The following MDGA2 variants were observed in gnomAD, a reference collection of about 807,000 sequenced individuals.
MDGA2 encodes the protein MAM domain containing glycosylphosphatidylinositol anchor 2.
Under a neutral mutation model 117.8 loss-of-function variants are expected in MDGA2, and 40 were observed. That is an observed-to-expected ratio of 0.34 (90% CI 0.26 to 0.44). MDGA2 has a LOEUF of 0.44. Ranked by LOEUF, MDGA2 falls within the 20% of genes least tolerant of loss-of-function variation. The pLI is 1.00. For missense variants in MDGA2, 1,123 were observed against 1,250.6 expected (o/e 0.90, Z 1.54); for synonymous variants, 452 against 439.0 (o/e 1.03, Z -0.37).
At position 47,373,496 on chromosome 14, in the gene MDGA2, C is replaced by T. The variant is rs1179882408; in HGVS notation, c.281-71946G>A. On this transcript the variant is annotated intron_variant, in intron 1 of 16. Transcript: ENST00000399232. ...AATAAAAAGGAATGAACTACTAATACATGATACAGCATCAGTGAACCTTGA... is the reference window on the plus strand; with the variant it reads ...AATAAAAAGGAATGAACTACTAATATATGATACAGCATCAGTGAACCTTGA... 5.3e-5 allele frequency among the ~76,000 whole-genome samples: 8 copies of T among 152,140 alleles called. No homozygotes were observed. The South Asian group carries it at 6.2e-4, about 12-fold the overall frequency.
chr14:47,439,818 A>AGTGTGT (rs3039634), intron 1 of MDGA2, among the ~76,000 whole-genome samples: 46,928 of 150,216 alleles, frequency 0.31, 7,761 homozygotes, highest in East Asian at 0.55. Context: ...TCACTAAGGG[A>AGTGTGT]GTGTGTGTGT....
chr14:47,265,612 T>C (rs1424177313), intron 2 of MDGA2, among the ~76,000 whole-genome samples: 5 of 150,906 alleles, frequency 3.3e-5, no homozygotes, highest in African/African-American at 1.2e-4. Context: ...TGGAAGCCAG[T>C]GTTTAACTTC....
chr14:47,065,785 A>G (rs1890058323), intron 6 of MDGA2, among the ~76,000 whole-genome samples: 1 of 152,192 alleles, frequency 6.6e-6, no homozygotes, highest in South Asian at 2.1e-4. Flanking sequence ...TTAAGTATCT[A>G]TTTCAGAAGA....
At chr14:47,148,092 T>C (rs1216816070) in intron 3 of MDGA2, among the ~76,000 whole-genome samples, 1 of 152,166 alleles carries the variant, frequency 6.6e-6, no homozygotes, top group African/African-American at 2.4e-5. Context: ...CAGCCTCATA[T>C]AGGCTGGTCA....
At chr14:46,988,152 T>C (rs1886937309) in intron 8 of MDGA2, among the ~76,000 whole-genome samples, 1 of 152,008 alleles carries the variant, frequency 6.6e-6, no homozygotes, top group Non-Finnish European at 1.5e-5. Flanking sequence ...GGGTTGTATT[T>C]TTTTTTCTTC....
At chr14:47,536,168 G>C (rs572503198) in intron 1 of MDGA2, among the ~76,000 whole-genome samples, 11 of 152,190 alleles carry the variant, frequency 7.2e-5, no homozygotes, top group Admixed American at 1.3e-4. Flanking sequence ...AAAACAATGG[G>C]TGTGGATGTA....
intron 3 of MDGA2, among the ~76,000 whole-genome samples, chr14:47,184,630 C>G (rs1424016110): frequency 2.0e-5 from 3 of 151,750 alleles, no homozygotes. Context: ...TTCTATGACA[C>G]TTCTTTAAAA....
rs1222342289 is a variant in MDGA2, at chr14:47,236,951, G to A, written c.421-18756C>T. On this transcript the variant is annotated intron_variant, in intron 2 of 16. Transcript: ENST00000399232. The stretch of plus-strand genomic sequence containing the variant: ...ATATCTCCCTCTGACCCAGTTCTTA[G>A]AAATGTTATCAAGTTACCTATTAAT... Among the ~76,000 whole-genome samples, 3 of 152,106 alleles carry A rather than the reference G, an allele frequency of 2.0e-5. No homozygotes were observed. The East Asian group carries it at 5.8e-4, about 29-fold the overall frequency.
At chr14:47,359,748 CAAA>C (rs71448198) in intron 1 of MDGA2, among the ~76,000 whole-genome samples, 3 of 110,782 alleles carry the variant, frequency 2.7e-5, no homozygotes, top group Admixed American at 9.2e-5. Context: ...AAGACTGTCT[CAAA>C]AAAAAAAAAA....
chr14:47,307,017 C>T (rs1452861293), intron 1 of MDGA2, among the ~76,000 whole-genome samples: 2 of 152,116 alleles, frequency 1.3e-5, no homozygotes, highest in East Asian at 3.9e-4. Flanking sequence ...ACTTTCTTCC[C>T]AGCTTTCTAT....
Position 46,855,002 on chromosome 14 carries a change from T to C in MDGA2, c.2883+22A>G. ...ATTATGCTCATTTACAGCAATTAAT[T>C]AGCCAAAACTACTTTTCTTACCTGA... On this transcript the variant is annotated intron_variant, in intron 15 of 16. Transcript: ENST00000399232. This position sits in a 1 kb window ranked among gnomAD's most constrained non-coding sequence, Gnocchi z 4.1. 6.4e-7 allele frequency: 1 copy of C among 1,571,306 alleles called. No individual in the cohort carries two copies. Among genetic ancestry groups the C allele is most frequent in the Non-Finnish European group, 8.6e-7 (1 of 1,160,820 alleles).
Position 47,187,618 on chromosome 14 carries a change from A to G in MDGA2, c.595+30403T>C, listed in dbSNP as rs377101709. On this transcript the variant is annotated intron_variant, in intron 3 of 16. Coordinates refer to ENST00000399232, the MANE Select transcript of MDGA2 (RefSeq NM_001113498.3). ...TGAATACACCAAAATTTATATATCC[A>G]TTCTGCTATTAATAGATATGTTGAT... Among the ~76,000 whole-genome samples the G allele has an allele frequency of 1.1e-3, 165 of 152,200 alleles. 2 individuals are homozygous for G. The highest frequency in any genetic ancestry group is 3.7e-3 in the African/African-American group (155 of 41,566).
At position 47,360,590 on chromosome 14, in the gene MDGA2, A is replaced by T. The variant is rs112769694; in HGVS notation, c.281-59040T>A. ...AGAGATAACAAGTATTGACAAGGGT[A>T]TCGAGAAAAGGAAACCTTTGTATAC... On this transcript the variant is annotated intron_variant, in intron 1 of 16. Coordinates refer to ENST00000399232, the MANE Select transcript of MDGA2 (RefSeq NM_001113498.3). Among the ~76,000 whole-genome samples the T allele has an allele frequency of 8.2e-3, 1,243 of 152,190 alleles. 15 individuals are homozygous for T. Among genetic ancestry groups the T allele is most frequent in the African/African-American group, 0.028 (1,162 of 41,502 alleles).
chr14:47,244,802 C>T (rs966372857), intron 2 of MDGA2, among the ~76,000 whole-genome samples: 4 of 151,428 alleles, frequency 2.6e-5, no homozygotes, highest in Non-Finnish European at 5.9e-5. Context: ...ATACATATAC[C>T]GAAACAGTAT....
intron 10 of MDGA2, among the ~76,000 whole-genome samples, chr14:46,890,227 C>G (rs896704061): frequency 1.3e-4 from 20 of 152,084 alleles, no homozygotes; most frequent in African/African-American, 4.8e-4. Flanking sequence ...ATTAAAAGTT[C>G]ATTTGTCACC....
chr14:47,125,100 G>T (rs1881834237), intron 5 of MDGA2, among the ~76,000 whole-genome samples: 1 of 152,062 alleles, frequency 6.6e-6, no homozygotes, highest in South Asian at 2.1e-4. Flanking sequence ...TGATTATCTA[G>T]ATGCTATGAA....
intron 14 of MDGA2, among the ~76,000 whole-genome samples, chr14:46,857,956 A>G (rs1119510): frequency 0.4 from 61,083 of 151,978 alleles, 13,571 homozygotes; most frequent in East Asian, 0.64. Flanking sequence ...GCCTGGTCCC[A>G]TTATTTCTAA....
At chr14:47,270,910 C>A (rs566525202) in intron 2 of MDGA2, among the ~76,000 whole-genome samples, 23 of 152,102 alleles carry the variant, frequency 1.5e-4, no homozygotes, top group African/African-American at 4.8e-4. Flanking sequence ...TTCCTCTAAC[C>A]GCAATCCTGC....
intron 1 of MDGA2, among the ~76,000 whole-genome samples, chr14:47,335,757 C>CATACAAAA (rs1890437016): frequency 1.9e-5 from 1 of 51,374 alleles, no homozygotes; most frequent in Non-Finnish European, 4.5e-5. Context: ...TACATACATA[C>CATACAAAA]ATACAGGATC....
Sources: allele counts gnomAD v4.1 joint callset (sites outside exome capture counted in the v4.1 genomes callset), GRCh38; gene constraint gnomAD v4.1.1; non-coding constraint Gnocchi (gnomAD v3.1); transcripts MANE v1.5; gene names NCBI Gene and HGNC (gene_info 2026-07-23, HGNC 2026-07-21).